Variants in SHISA9 observed in about 807,000 individuals in gnomAD.
SHISA9 encodes protein shisa-9.
SHISA9 carries 13 observed loss-of-function variants against 38.0 expected under a neutral mutation model. The observed-to-expected ratio is 0.34, with a 90% CI of 0.22 to 0.54. The LOEUF is 0.54. Among genes scored for constraint, SHISA9 ranks in the 20% least tolerant of loss-of-function variants. SHISA9 has a pLI of 0.91. For synonymous variants in SHISA9, 275 were observed against 242.0 expected (o/e 1.14, Z -1.27); for missense variants, 538 against 575.8 (o/e 0.93, Z 0.67).
At chr16:13,531,456 C>G in the SHISA9 span, among the ~76,000 whole-genome samples, 2 of 152,092 alleles carry the variant, frequency 1.3e-5, no homozygotes, top group Non-Finnish European at 2.9e-5. Context: ...GGGGAAAACT[C>G]AGTTCAGAGA....
At chr16:13,434,484 C>G in the SHISA9 span, among the ~76,000 whole-genome samples, 1 of 139,716 alleles carries the variant, frequency 7.2e-6, no homozygotes, top group African/African-American at 2.6e-5. Context: ...GTGGCGCGAT[C>G]TCGGCTCACT....
Position 13,002,064 on chromosome 16 carries a change from G to C in SHISA9, c.691+85249G>C, listed in dbSNP as rs557050269. On this transcript the variant is annotated intron_variant, in intron 2 of 4. Coordinates refer to ENST00000558583, the MANE Select transcript of SHISA9 (RefSeq NM_001145204.3). ...TTTAATTGGCCTGGAATAGGGCCTG[G>C]CATCAGTGTTTCATAAAACTCCCTG... Among the ~76,000 whole-genome samples, 38 of 152,272 alleles carry C rather than the reference G, an allele frequency of 2.5e-4. No individual in the cohort carries two copies. In the South Asian group the frequency reaches 3.3e-3, roughly 13 times the overall value.
At chr16:13,120,297 C>G (rs1415011552) in intron 2 of SHISA9, among the ~76,000 whole-genome samples, 1 of 152,098 alleles carries the variant, frequency 6.6e-6, no homozygotes, top group Non-Finnish European at 1.5e-5. Flanking sequence ...CATTTTGGAG[C>G]ACTGGAGCCC....
At chr16:13,298,843 A>T in the SHISA9 span, among the ~76,000 whole-genome samples, 1 of 152,190 alleles carries the variant, frequency 6.6e-6, no homozygotes, top group Admixed American at 6.5e-5. Flanking sequence ...TGGCCTAATT[A>T]TGGCTTTCAG....
intron 2 of SHISA9, among the ~76,000 whole-genome samples, chr16:13,007,372 C>T (rs1474305534): frequency 6.6e-6 from 1 of 152,134 alleles, no homozygotes; most frequent in South Asian, 2.1e-4. Flanking sequence ...GGCCTCTAGT[C>T]CTGAAGTTTC....
the SHISA9 span, among the ~76,000 whole-genome samples, chr16:13,502,737 C>T: frequency 3.3e-5 from 5 of 151,922 alleles, no homozygotes; most frequent in African/African-American, 4.8e-5. Flanking sequence ...ATTAGCCAGG[C>T]GTGGTGGCAT....
At chr16:13,203,319 T>A (rs1377478225) in intron 2 of SHISA9, 75 bp from the exon 3 acceptor site, 1 of 1,352,164 alleles carries the variant, frequency 7.4e-7, no homozygotes, top group Admixed American at 3.4e-5. Context: ...TGGTCTCCAG[T>A]GATGTGGTGA....
At chr16:13,041,764 C>T (rs2173863) in intron 2 of SHISA9, among the ~76,000 whole-genome samples, 118,198 of 152,094 alleles carry the variant, frequency 0.78, 46,404 homozygotes, top group African/African-American at 0.89. Context: ...CTGGGGAAGG[C>T]TGATAAAATA....
intron 2 of SHISA9, among the ~76,000 whole-genome samples, chr16:13,133,498 C>T (rs1034038367): frequency 6.6e-6 from 1 of 152,152 alleles, no homozygotes; most frequent in African/African-American, 2.4e-5. Flanking sequence ...ATAGCTCTGG[C>T]CATTGGCATA....
the SHISA9 span, among the ~76,000 whole-genome samples, chr16:13,391,450 A>T: frequency 6.6e-6 from 1 of 152,192 alleles, no homozygotes; most frequent in African/African-American, 2.4e-5. Flanking sequence ...GAGAGAAGAG[A>T]TACTGAAGTA....
chr16:13,108,874 A>G (rs1055896960), intron 2 of SHISA9, among the ~76,000 whole-genome samples: 2 of 152,116 alleles, frequency 1.3e-5, no homozygotes, highest in East Asian at 1.9e-4. Flanking sequence ...CAATTTCTCA[A>G]TGTTTCTCCT....
At chr16:13,560,315 T>C in the SHISA9 span, among the ~76,000 whole-genome samples, 1 of 152,208 alleles carries the variant, frequency 6.6e-6, no homozygotes, top group Non-Finnish European at 1.5e-5. Flanking sequence ...TTAAGTCATG[T>C]GGTCACCCCT....
chr16:13,065,422 A>G (rs757705289), intron 2 of SHISA9, among the ~76,000 whole-genome samples: 1 of 152,240 alleles, frequency 6.6e-6, no homozygotes, highest in Non-Finnish European at 1.5e-5. Flanking sequence ...TTTAGAGAGA[A>G]GAAAACAGAA....
intron 1 of SHISA9, among the ~76,000 whole-genome samples, chr16:12,915,995 TTGTG>T (rs1365043977): frequency 9.5e-5 from 9 of 94,480 alleles, no homozygotes; most frequent in African/African-American, 2.7e-4. Context: ...AGTTTTTTTT[TTGTG>T]TGTGTGTGTG....
At chr16:13,426,484 T>C in the SHISA9 span, among the ~76,000 whole-genome samples, 24 of 152,282 alleles carry the variant, frequency 1.6e-4, 1 homozygote, top group East Asian at 4.6e-3. Flanking sequence ...TCTGTGTACC[T>C]TTCCCCTGCC....
At chr16:13,007,053 C>T (rs974545298) in intron 2 of SHISA9, among the ~76,000 whole-genome samples, 1 of 152,170 alleles carries the variant, frequency 6.6e-6, no homozygotes, top group African/African-American at 2.4e-5. Context: ...TGAATAATTC[C>T]ATAGATATCT....
intron 2 of SHISA9, among the ~76,000 whole-genome samples, chr16:13,096,556 G>A (rs1237909822): frequency 6.6e-6 from 1 of 152,136 alleles, no homozygotes; most frequent in Non-Finnish European, 1.5e-5. Flanking sequence ...GATGGGGAAG[G>A]TTGATATAGG....
the SHISA9 span, among the ~76,000 whole-genome samples, chr16:13,360,267 C>A: frequency 6.6e-6 from 1 of 152,260 alleles, no homozygotes; most frequent in South Asian, 2.1e-4. Flanking sequence ...AGCTGATGCT[C>A]ACTGACGGTG....
the SHISA9 span, among the ~76,000 whole-genome samples, chr16:13,536,768 G>C: frequency 6.6e-6 from 1 of 152,196 alleles, no homozygotes; most frequent in Admixed American, 6.5e-5. Flanking sequence ...ATCAGGGTGT[G>C]GGGGTGGAAA....
Sources: allele counts gnomAD v4.1 joint callset (sites outside exome capture counted in the v4.1 genomes callset), GRCh38; gene constraint gnomAD v4.1.1; transcripts MANE v1.5; gene names NCBI Gene and HGNC (gene_info 2026-07-23, HGNC 2026-07-21).